IGF1R: variants seen among roughly 807,000 people sequenced by gnomAD.
The protein encoded by IGF1R is insulin like growth factor 1 receptor.
A neutral mutation model predicts 144.6 loss-of-function variants in IGF1R; 44 were observed. That is an observed-to-expected ratio of 0.30 (90% CI 0.24 to 0.39). The LOEUF (loss-of-function observed/expected upper bound fraction) is 0.39. Among genes scored for constraint, IGF1R ranks in the 10% least tolerant of loss-of-function variants. The probability of loss-of-function intolerance (pLI) is 1.00; values close to 1 mark genes in which losing one functional copy is unlikely to be tolerated. For synonymous variants in IGF1R, 795 were observed against 722.8 expected, an observed-to-expected ratio of 1.10 and a Z score of -1.60; for missense variants, 1,355 against 1,833.7, an observed-to-expected ratio of 0.74 and a Z score of 4.77.
At chr15:98,663,997 C>G (rs958478430) in intron 1 of IGF1R, among the ~76,000 whole-genome samples, 2 of 152,242 alleles carry the variant, frequency 1.3e-5, no homozygotes, top group Non-Finnish European at 2.9e-5. Flanking sequence ...GTGCCACTCT[C>G]TGGGTGCTGC....
At chr15:98,852,334 G>A (rs990181227) in intron 2 of IGF1R, among the ~76,000 whole-genome samples, 1 of 152,120 alleles carries the variant, frequency 6.6e-6, no homozygotes, top group Non-Finnish European at 1.5e-5. Context: ...AGGGAAGAGG[G>A]AGCGGGCACC....
rs2016092071 is a variant in IGF1R at position 98,935,115 on chromosome 15, C to G, written c.3186+62C>G. 1.5e-6 allele frequency: 2 copies of G among 1,369,094 alleles called. No homozygotes were observed. The highest frequency in any genetic ancestry group is 2.1e-6 in the Non-Finnish European group (2 of 961,828). 84.8% of individuals were successfully genotyped at this position (1,369,094 alleles called of 1,614,324 possible). A position where few individuals can be genotyped will look rare whatever the true frequency, so the allele number is the denominator to read the frequency against. ...AGGGAGAGGGTATCACACAAGCCTC[C>G]CAGTATGTTCTTGGCTGCATGTACC... On this transcript the variant is annotated intron_variant, in intron 16 of 20. Coordinates refer to ENST00000650285, the MANE Select transcript of IGF1R (RefSeq NM_000875.5). This position sits in a 1 kb window ranked among gnomAD's most constrained non-coding sequence, Gnocchi z 4.2.
chr15:98,744,495 G>A (rs2054818384), intron 2 of IGF1R, among the ~76,000 whole-genome samples: 1 of 152,090 alleles, frequency 6.6e-6, no homozygotes, highest in African/African-American at 2.4e-5. Context: ...AAGCATGGCT[G>A]TGCACAGGGG....
rs550279518 is a variant in IGF1R, at chr15:98,839,905, G to A, written c.641-51420G>A. On this transcript the variant is annotated intron_variant, in intron 2 of 20. Transcript: ENST00000650285. ...TTGGTTCTTCATTTCACCTGGGAAA[G>A]AAAATAATTTGCCTGTTGTCATTTT... Among the ~76,000 whole-genome samples, 3 of 152,186 alleles carry A rather than the reference G, an allele frequency of 2.0e-5. No homozygotes were observed. The South Asian group carries it at 6.2e-4, about 32-fold the overall frequency.
At chr15:98,720,564 G>T (rs1248605672) in intron 2 of IGF1R, among the ~76,000 whole-genome samples, 2 of 152,176 alleles carry the variant, frequency 1.3e-5, no homozygotes, top group African/African-American at 4.8e-5. Context: ...GGAGGTGGCT[G>T]CAATTGGAAA....
intron 2 of IGF1R, among the ~76,000 whole-genome samples, chr15:98,747,892 A>G (rs1208702936): frequency 1.3e-5 from 2 of 152,194 alleles, no homozygotes; most frequent in African/African-American, 4.8e-5. Flanking sequence ...AATATCACCT[A>G]TAGCATTAGT....
chr15:98,780,549 CAAAAA>C (rs1192949160), intron 2 of IGF1R, among the ~76,000 whole-genome samples: 1 of 24,016 alleles, frequency 4.2e-5, no homozygotes, highest in African/African-American at 6.9e-5. Flanking sequence ...AACTCTGTCT[CAAAAA>C]AAAAAAAAAA....
intron 2 of IGF1R, among the ~76,000 whole-genome samples, chr15:98,797,389 G>C (rs369604495): frequency 6.6e-6 from 1 of 152,236 alleles, no homozygotes; most frequent in African/African-American, 2.4e-5. Context: ...TGAGCATGGC[G>C]AGTGGACCGT....
chr15:98,706,794 G>A lies in IGF1R; in HGVS notation c.95-768G>A, dbSNP rs755167086. 2.0e-5 allele frequency among the ~76,000 whole-genome samples: 3 copies of A among 150,288 alleles called. No individual in the cohort carries two copies. In the East Asian group the frequency reaches 5.9e-4, roughly 29 times the overall value. The stretch of plus-strand genomic sequence containing the variant: ...ATAGATAGTGTTAACATTGTTTATC[G>A]TGGAATGTTGAGATCGTTGATGATT... On this transcript the variant is annotated intron_variant, in intron 1 of 20. Transcript: ENST00000650285.
At chr15:98,913,316 A>G (rs1396071301) in intron 8 of IGF1R, 34 bp downstream of exon 8, 2 of 1,535,020 alleles carry the variant, frequency 1.3e-6, no homozygotes, top group Non-Finnish European at 9.0e-7. Context: ...CAGCATCCAC[A>G]CTTCTTCGCA....
At chr15:98,932,235 G>T (rs1355563280) in intron 15 of IGF1R, among the ~76,000 whole-genome samples, 1 of 152,210 alleles carries the variant, frequency 6.6e-6, no homozygotes, top group African/African-American at 2.4e-5. Context: ...GGTGGGAACA[G>T]TGTCACCTTA....
chr15:98,694,280 A>C (rs1024617550), intron 1 of IGF1R, among the ~76,000 whole-genome samples: 3 of 152,200 alleles, frequency 2.0e-5, no homozygotes, highest in South Asian at 4.1e-4. Flanking sequence ...GCGGCTCCTC[A>C]AAGATGTCAC....
intron 2 of IGF1R, among the ~76,000 whole-genome samples, chr15:98,863,392 A>G (rs571623893): frequency 1.2e-4 from 18 of 152,280 alleles, no homozygotes; most frequent in South Asian, 2.1e-4. Flanking sequence ...TTTTGGAGGT[A>G]GATACTTGAG....
Position 98,833,378 on chromosome 15 carries a change from G to A in IGF1R, c.641-57947G>A, listed in dbSNP as rs571211202. 9.2e-5 allele frequency among the ~76,000 whole-genome samples: 14 copies of A among 152,296 alleles called. No homozygotes were observed. The South Asian group carries it at 2.7e-3, about 29-fold the overall frequency. ...TTTGGTCCAGCCTTAGAGCGGGTTT[G>A]CAGGTAGACACCTTCCTAATGTTTG... On this transcript the variant is annotated intron_variant, in intron 2 of 20. Coordinates refer to ENST00000650285, the MANE Select transcript of IGF1R (RefSeq NM_000875.5).
At chr15:98,853,061 G>T (rs11634734) in intron 2 of IGF1R, among the ~76,000 whole-genome samples, 7 of 152,204 alleles carry the variant, frequency 4.6e-5, no homozygotes, top group Non-Finnish European at 8.8e-5. Flanking sequence ...CAGAAACAAG[G>T]TGCATCTCTG....
At chr15:98,662,525 C>A (rs61607368) in intron 1 of IGF1R, among the ~76,000 whole-genome samples, 2 of 151,786 alleles carry the variant, frequency 1.3e-5, no homozygotes, top group African/African-American at 4.8e-5. Context: ...TATTTGAGGG[C>A]CTCCAGTGGT....
At chr15:98,917,588 A>C (rs775934405) in intron 10 of IGF1R, among the ~76,000 whole-genome samples, 1 of 152,268 alleles carries the variant, frequency 6.6e-6, no homozygotes, top group African/African-American at 2.4e-5. Flanking sequence ...CCCAGTGTAC[A>C]TCAACAGGTG....
chr15:98,648,581 C>G lies in IGF1R; in HGVS notation c.-1001C>G, dbSNP rs1420272546. ...GCGGCGGCGCGGCGAGGCTGGGGCT[C>G]TTGTTTACCAGCATTAACTCCGCTG... On this transcript the variant is annotated 5_prime_UTR_variant, in exon 1 of 21. Transcript: ENST00000650285. 6.9e-6 allele frequency among the ~76,000 whole-genome samples: 1 copy of G among 144,506 alleles called. No individual in the cohort carries two copies. The highest frequency in any genetic ancestry group is 1.5e-5 in the Non-Finnish European group (1 of 65,352). 94.8% of individuals were successfully genotyped at this position (144,506 alleles called of 152,430 possible).
chr15:98,726,712 ATTTTT>A (rs756622481), intron 2 of IGF1R, among the ~76,000 whole-genome samples: 2 of 93,090 alleles, frequency 2.1e-5, no homozygotes, highest in African/African-American at 4.0e-5. Flanking sequence ...TACATTGATG[ATTTTT>A]TTTTTTTTTT....
Sources: allele counts gnomAD v4.1 joint callset (sites outside exome capture counted in the v4.1 genomes callset), GRCh38; gene constraint gnomAD v4.1.1; non-coding constraint Gnocchi (gnomAD v3.1); transcripts MANE v1.5; gene names NCBI Gene and HGNC (gene_info 2026-07-23, HGNC 2026-07-21).